Variants in GREB1L observed in about 807,000 individuals in gnomAD.
The protein encoded by GREB1L is GREB1 like retinoic acid receptor coactivator, also known as GREB1-like protein.
GREB1L carries 17 observed loss-of-function variants against 200.8 expected under a neutral mutation model. The ratio of observed to expected loss-of-function variants is 0.08; its 90% CI spans 0.06 to 0.13. The LOEUF is 0.13. GREB1L is among the 10% of genes least tolerant of loss of function. The pLI is 1.00. For synonymous variants in GREB1L, 789 were observed against 893.0 expected, an observed-to-expected ratio of 0.88 and a Z score of 2.08; for missense variants, 1,657 against 2,367.7, an observed-to-expected ratio of 0.70 and a Z score of 6.23.
At chr18:21,482,935 T>A (rs1415965353) in intron 17 of GREB1L, among the ~76,000 whole-genome samples, 1 of 152,186 alleles carries the variant, frequency 6.6e-6, no homozygotes, top group Admixed American at 6.5e-5. Context: ...GTAAAATCAT[T>A]CAGTTTCATA....
intron 1 of GREB1L, among the ~76,000 whole-genome samples, chr18:21,338,414 A>G (rs2039219872): frequency 6.6e-6 from 1 of 152,270 alleles, no homozygotes; most frequent in Non-Finnish European, 1.5e-5. Context: ...GAGATTTTCT[A>G]TTTTGTTATA....
chr18:21,244,722 T>C (rs1448453398), intron 1 of GREB1L, among the ~76,000 whole-genome samples: 3 of 152,208 alleles, frequency 2.0e-5, no homozygotes, highest in African/African-American at 7.2e-5. Context: ...TTTGATGTCA[T>C]TGGAGAACAG....
chr18:21,456,576 G>A (rs11877957), intron 15 of GREB1L, among the ~76,000 whole-genome samples: 2,628 of 152,184 alleles, frequency 0.017, 75 homozygotes, highest in African/African-American at 0.059. Context: ...CCCTCTTGGT[G>A]GCTGTGACTG....
intron 7 of GREB1L, among the ~76,000 whole-genome samples, chr18:21,417,166 A>G (rs147371578): frequency 6.6e-6 from 1 of 152,370 alleles, no homozygotes; most frequent in African/African-American, 2.4e-5. Context: ...CTCATGGGAA[A>G]CAATATAAAT....
intron 9 of GREB1L, 69 bp downstream of exon 9, chr18:21,440,457 C>A: frequency 7.1e-7 from 1 of 1,411,204 alleles, no homozygotes; most frequent in Non-Finnish European, 9.8e-7. Context: ...TACTTCCATT[C>A]TTTCCCTGAA....
At chr18:21,458,222 C>T (rs1186422609) in intron 15 of GREB1L, among the ~76,000 whole-genome samples, 2 of 152,068 alleles carry the variant, frequency 1.3e-5, no homozygotes, top group African/African-American at 4.8e-5. Flanking sequence ...CCACCCGTTT[C>T]GGCCTCCCAA....
At chr18:21,327,055 A>C (rs975116305) in intron 1 of GREB1L, among the ~76,000 whole-genome samples, 40 of 152,236 alleles carry the variant, frequency 2.6e-4, no homozygotes, top group African/African-American at 9.6e-4. Context: ...TAAAAATTAC[A>C]ATCAATAGTG....
At position 21,262,280 on chromosome 18, in the gene GREB1L, C is replaced by CT. The variant is rs1052586303; in HGVS notation, c.-120+19896dup. The stretch of plus-strand genomic sequence containing the variant: ...ACTACCTCTCCTTTCAAACACAGAT[C>CT]TTTTTTTTTGCTCCTTCTCCAACTT... On this transcript the variant is annotated intron_variant, in intron 1 of 32. Transcript: ENST00000424526. Among the ~76,000 whole-genome samples, 271 of 151,254 alleles carry CT rather than the reference C, an allele frequency of 1.8e-3. 3 individuals are homozygous for CT. Among genetic ancestry groups the CT allele is most frequent in the African/African-American group, 6.1e-3 (251 of 41,296 alleles).
At chr18:21,325,059 G>C (rs76218817) in intron 1 of GREB1L, among the ~76,000 whole-genome samples, 3,092 of 152,192 alleles carry the variant, frequency 0.02, 55 homozygotes, top group Non-Finnish European at 0.029. Context: ...TAAAACTACT[G>C]GTAGAAGTCT....
At chr18:21,504,017 C>T (rs1384517659) in intron 23 of GREB1L, among the ~76,000 whole-genome samples, 1 of 152,116 alleles carries the variant, frequency 6.6e-6, no homozygotes, top group Non-Finnish European at 1.5e-5. Context: ...TCTCAACTCA[C>T]TGCAACCTCC....
At chr18:21,433,033 G>C (rs895656183) in intron 7 of GREB1L, among the ~76,000 whole-genome samples, 21 of 152,052 alleles carry the variant, frequency 1.4e-4, no homozygotes, top group Admixed American at 1.3e-3. Context: ...TATAAAAATA[G>C]AATAATAAAG....
intron 15 of GREB1L, among the ~76,000 whole-genome samples, chr18:21,472,525 A>C (rs2035523321): frequency 6.6e-6 from 1 of 152,240 alleles, no homozygotes; most frequent in African/African-American, 2.4e-5. Context: ...GTCACTGTAT[A>C]AAAATGAGTA....
rs1460993714 is a variant in GREB1L, at chr18:21,516,581, G to A, written c.5130-32G>A. The A allele has an allele frequency of 1.1e-5, 17 of 1,544,330 alleles. No individual in the cohort carries two copies. In the East Asian group the frequency reaches 1.5e-4, roughly 13 times the overall value. On this transcript the variant is annotated intron_variant, in intron 29 of 32. Transcript: ENST00000424526. The stretch of plus-strand genomic sequence containing the variant: ...GTTATCATGGTTGAGATATGCCAGC[G>A]GAAGAAAACTATTGTTGTGGTTACA...
chr18:21,401,360 T>C, intron 6 of GREB1L, 34 bp downstream of exon 6: 1 of 1,519,108 alleles, frequency 6.6e-7, no homozygotes, highest in Non-Finnish European at 8.9e-7. Flanking sequence ...GGGGAGGGAA[T>C]GGAGATTTTA....
chr18:21,389,261 G>A (rs567109703), intron 4 of GREB1L, among the ~76,000 whole-genome samples: 254 of 148,148 alleles, frequency 1.7e-3, no homozygotes, highest in African/African-American at 6.2e-3. Context: ...TGCTCAAATT[G>A]TTCAGTTTTG....
At position 21,478,970 on chromosome 18, in the gene GREB1L, C is replaced by T. The variant is rs1176429359; in HGVS notation, c.2556+1614C>T. ...GAAGTCAGCTCACTGCAACCTCCAC[C>T]TCCCAGGTTCAAGCAGTTCTCCTGC... On this transcript the variant is annotated intron_variant, in intron 17 of 32. Transcript: ENST00000424526. Among the ~76,000 whole-genome samples the T allele has an allele frequency of 2.0e-5, 3 of 152,186 alleles. No homozygotes were observed. The East Asian group carries it at 5.8e-4, about 29-fold the overall frequency.
intron 2 of GREB1L, among the ~76,000 whole-genome samples, chr18:21,377,382 A>G (rs1368131989): frequency 1.3e-5 from 2 of 152,048 alleles, no homozygotes; most frequent in Admixed American, 6.6e-5. Context: ...GAGGGACAGT[A>G]CTCCTTAACC....
chr18:21,390,827 G>A (rs191950869), intron 4 of GREB1L, among the ~76,000 whole-genome samples: 2 of 151,852 alleles, frequency 1.3e-5, no homozygotes, highest in Admixed American at 6.6e-5. Flanking sequence ...GAGCCACCGC[G>A]CCAGGCCAAC....
chr18:21,524,973 G>C lies in GREB1L; in HGVS notation c.*2152G>C, dbSNP rs2037660406. On this transcript the variant is annotated 3_prime_UTR_variant, in exon 33 of 33. Transcript: ENST00000424526. ...TTGAGTATGTTAGGTCCTTCTTTAAGGATAAAATTGCACAAGCACAGGACA... is the reference window on the plus strand; with the variant it reads ...TTGAGTATGTTAGGTCCTTCTTTAACGATAAAATTGCACAAGCACAGGACA... 1 of 148,350 alleles carries C rather than the reference G, an allele frequency of 6.7e-6. No individual in the cohort carries two copies. 9.2% of individuals were successfully genotyped at this position (148,350 alleles called of 1,614,324 possible). A position where few individuals can be genotyped will look rare whatever the true frequency, so the allele number is the denominator to read the frequency against.
Sources: allele counts gnomAD v4.1 joint callset (sites outside exome capture counted in the v4.1 genomes callset), GRCh38; gene constraint gnomAD v4.1.1; transcripts MANE v1.5; gene names NCBI Gene and HGNC (gene_info 2026-07-23, HGNC 2026-07-21).